Variants in NNT observed in about 807,000 individuals in gnomAD.
NNT encodes NAD(P) transhydrogenase, mitochondrial.
NNT carries 50 observed loss-of-function variants against 104.8 expected under a neutral mutation model. That is an observed-to-expected ratio of 0.48 (90% CI 0.38 to 0.60). The LOEUF (loss-of-function observed/expected upper bound fraction) is 0.60, where lower values mean the gene tolerates loss of function less well. NNT is among the 20% of genes least tolerant of loss of function. NNT has a pLI of 0.00. For synonymous variants in NNT, 461 were observed against 490.4 expected, an observed-to-expected ratio of 0.94 and a Z score of 0.79; for missense variants, 1,131 against 1,330.7, an observed-to-expected ratio of 0.85 and a Z score of 2.33.
At chr5:43,651,170 T>C (rs986099690) in intron 12 of NNT, among the ~76,000 whole-genome samples, 11 of 152,242 alleles carry the variant, frequency 7.2e-5, no homozygotes, top group African/African-American at 2.7e-4. Flanking sequence ...GGCTTTTTTT[T>C]CCTTTTAGTC....
chr5:43,672,087 A>G (rs540882634), intron 17 of NNT, among the ~76,000 whole-genome samples: 25 of 152,248 alleles, frequency 1.6e-4, no homozygotes, highest in Middle Eastern at 3.4e-3. Flanking sequence ...GGCTACTGAA[A>G]CTTGTGCATT....
intron 19 of NNT, among the ~76,000 whole-genome samples, chr5:43,689,213 G>A (rs1742138348): frequency 6.6e-6 from 1 of 152,046 alleles, no homozygotes; most frequent in Admixed American, 6.6e-5. Flanking sequence ...ATGTCCTTAG[G>A]CCACTTTTAG....
intron 7 of NNT, among the ~76,000 whole-genome samples, chr5:43,631,087 G>C (rs1750650547): frequency 6.6e-6 from 1 of 152,158 alleles, no homozygotes; most frequent in African/African-American, 2.4e-5. Flanking sequence ...TCTGTCCTCT[G>C]TTAACCCAGG....
intron 1 of NNT, among the ~76,000 whole-genome samples, chr5:43,604,842 A>AT (rs111838247): frequency 0.019 from 2,723 of 147,058 alleles, 26 homozygotes; most frequent in Middle Eastern, 0.049. Flanking sequence ...CTGCTAATTA[A>AT]TTTTTTTTTT....
intron 7 of NNT, among the ~76,000 whole-genome samples, chr5:43,636,939 T>C (rs765677589): frequency 2.0e-5 from 3 of 152,224 alleles, no homozygotes; most frequent in Admixed American, 6.5e-5. Context: ...TTTCTAATTT[T>C]CTAAAATATG....
intron 17 of NNT, among the ~76,000 whole-genome samples, chr5:43,672,830 A>G (rs1407892099): frequency 6.6e-6 from 1 of 152,228 alleles, no homozygotes; most frequent in African/African-American, 2.4e-5. Flanking sequence ...GGGACATGTA[A>G]GTCTGCAGAG....
At chr5:43,689,490 T>C (rs1742154071) in intron 19 of NNT, among the ~76,000 whole-genome samples, 2 of 152,218 alleles carry the variant, frequency 1.3e-5, no homozygotes, top group Non-Finnish European at 2.9e-5. Flanking sequence ...AGAAGGGTTT[T>C]TCTCATATTA....
chr5:43,665,215 T>TTA (rs1392291519), intron 17 of NNT, among the ~76,000 whole-genome samples: 485 of 112,826 alleles, frequency 4.3e-3, no homozygotes, highest in African/African-American at 0.022. Flanking sequence ...ATTTTATTTA[T>TTA]TTATTTATTA....
chr5:43,691,180 A>G (rs1453574777), intron 19 of NNT, among the ~76,000 whole-genome samples: 1 of 150,844 alleles, frequency 6.6e-6, no homozygotes, highest in Non-Finnish European at 1.5e-5. Context: ...GCTCACTGCA[A>G]CCTCCGCCTC....
At chr5:43,646,885 C>T (rs977698926) in intron 10 of NNT, among the ~76,000 whole-genome samples, 2 of 152,062 alleles carry the variant, frequency 1.3e-5, no homozygotes, top group Admixed American at 1.3e-4. Flanking sequence ...TAAAATTCAT[C>T]TTTACAAAAA....
chr5:43,626,469 T>C (rs62367625), intron 6 of NNT, among the ~76,000 whole-genome samples: 205 of 152,268 alleles, frequency 1.3e-3, no homozygotes, highest in Non-Finnish European at 2.6e-3. Flanking sequence ...TATCTCATTA[T>C]TTCCTTAGAT....
chr5:43,670,604 C>T (rs1325114840), intron 17 of NNT, among the ~76,000 whole-genome samples: 1 of 152,228 alleles, frequency 6.6e-6, no homozygotes, highest in Non-Finnish European at 1.5e-5. Context: ...CAGTGAGTTT[C>T]TTAATCCTGA....
At chr5:43,623,261 T>C (rs1449480646) in intron 5 of NNT, among the ~76,000 whole-genome samples, 2 of 152,190 alleles carry the variant, frequency 1.3e-5, no homozygotes, top group African/African-American at 4.8e-5. Context: ...GCATTTTTTT[T>C]CTACAGGAAC....
intron 19 of NNT, among the ~76,000 whole-genome samples, chr5:43,684,871 A>G (rs1741900961): frequency 6.6e-6 from 1 of 152,192 alleles, no homozygotes; most frequent in Admixed American, 6.5e-5. Flanking sequence ...GCATAATTAA[A>G]TGTAAAAAAA....
At chr5:43,682,811 ACTC>A (rs1741793419) in intron 19 of NNT, among the ~76,000 whole-genome samples, 1 of 152,036 alleles carries the variant, frequency 6.6e-6, no homozygotes, top group African/African-American at 2.4e-5. Context: ...AATATATACT[ACTC>A]TTTCCTAAGC....
At chr5:43,653,277 C>A in intron 14 of NNT, 64 bp downstream of exon 14, 1 of 1,382,738 alleles carries the variant, frequency 7.2e-7, no homozygotes, top group Non-Finnish European at 9.7e-7. Flanking sequence ...TTTCTAAGGT[C>A]CATATTGATG....
intron 17 of NNT, among the ~76,000 whole-genome samples, chr5:43,662,893 C>CAA (rs34800286): frequency 0.056 from 4,454 of 79,586 alleles, 88 homozygotes; most frequent in East Asian, 0.19. Flanking sequence ...GACCCTGTCT[C>CAA]AAAAAAAAAA....
intron 7 of NNT, among the ~76,000 whole-genome samples, chr5:43,637,904 C>A (rs1013702255): frequency 6.6e-6 from 1 of 152,138 alleles, no homozygotes; most frequent in Non-Finnish European, 1.5e-5. Flanking sequence ...TACCCTTAGG[C>A]CTTCCAGGCC....
chr5:43,667,270 A>G, intron 17 of NNT: 1 of 745,744 alleles, frequency 1.3e-6, no homozygotes, highest in Admixed American at 2.1e-5. Context: ...AGTGCCTAGA[A>G]CCCTATTTTT....
Sources: allele counts gnomAD v4.1 joint callset (sites outside exome capture counted in the v4.1 genomes callset), GRCh38; gene constraint gnomAD v4.1.1; transcripts MANE v1.5; gene names NCBI Gene and HGNC (gene_info 2026-07-23, HGNC 2026-07-21).